The following DCHS2 variants were observed in gnomAD, a reference collection of about 807,000 sequenced individuals.
The protein encoded by DCHS2 is dachsous cadherin-related 2, also known as protocadherin-23.
In DCHS2, 142 loss-of-function variants were observed where a neutral mutation model predicts 182.4. The observed-to-expected ratio is 0.78, with a 90% confidence interval of 0.68 to 0.89. DCHS2 has a LOEUF of 0.89. Ranked by LOEUF, DCHS2 falls within the 40% of genes least tolerant of loss-of-function variation. The probability of loss-of-function intolerance (pLI) is 0.00; values close to 1 mark genes in which losing one functional copy is unlikely to be tolerated. For missense variants in DCHS2, 4,319 were observed against 4,198.6 expected, an observed-to-expected ratio of 1.03 and a Z score of -0.79; for synonymous variants, 1,740 against 1,663.3, an observed-to-expected ratio of 1.05 and a Z score of -1.12.
At chr4:154,245,871 G>C (rs1437778725) in intron 16 of DCHS2, among the ~76,000 whole-genome samples, 1 of 152,156 alleles carries the variant, frequency 6.6e-6, no homozygotes, top group Admixed American at 6.5e-5. Flanking sequence ...AACACCAAGA[G>C]TGGATCCCAC....
At position 154,253,170 on chromosome 4, in the gene DCHS2, G is replaced by GGA. The variant is rs150322346; in HGVS notation, c.6941+2347_6941+2348dup. On this transcript the variant is annotated intron_variant, in intron 16 of 19. Transcript: ENST00000357232. ...AATAATTCCTTGCCTTGGTGATGCT[G>GGA]GAGAGAGAGAGAGAGAGAGAGAGTG... 3.1e-3 allele frequency among the ~76,000 whole-genome samples: 455 copies of GGA among 147,770 alleles called. 3 individuals carry two copies. The highest frequency in any genetic ancestry group is 0.021 in the South Asian group (96 of 4,602).
chr4:154,287,840 G>A (rs1301273434), intron 13 of DCHS2, among the ~76,000 whole-genome samples: 4 of 151,876 alleles, frequency 2.6e-5, no homozygotes, highest in Admixed American at 1.3e-4. Flanking sequence ...TTATGCATTC[G>A]GTGCCAAGTT....
At chr4:154,453,619 G>T (rs1301003444) in intron 1 of DCHS2, among the ~76,000 whole-genome samples, 1 of 152,110 alleles carries the variant, frequency 6.6e-6, no homozygotes, top group East Asian at 1.9e-4. Flanking sequence ...GTCTAACCAA[G>T]ATTTTTTCAA....
intron 1 of DCHS2, among the ~76,000 whole-genome samples, chr4:154,395,970 G>A (rs1360261802): frequency 1.3e-5 from 2 of 152,172 alleles, no homozygotes; most frequent in Non-Finnish European, 2.9e-5. Context: ...AGTTATTCAA[G>A]GGAAGAGTTC....
chr4:154,375,667 G>C (rs1264301083), intron 2 of DCHS2, among the ~76,000 whole-genome samples: 3 of 151,964 alleles, frequency 2.0e-5, no homozygotes, highest in South Asian at 4.2e-4. Flanking sequence ...AATAAAAAAG[G>C]CATTAAATAT....
chr4:154,384,758 C>T (rs1322917955), intron 1 of DCHS2, among the ~76,000 whole-genome samples: 1 of 151,902 alleles, frequency 6.6e-6, no homozygotes. Context: ...GGCCACAAGT[C>T]AAGGAACACC....
At position 154,490,209 on chromosome 4, in the gene DCHS2, C is replaced by G. The variant is rs1579133479; in HGVS notation, c.1147G>C (p.Val383Leu). ...TCGGCGCCTCCATCGCGGGCCTCCA[C>G]CACCAACTGGTGCCAGGCCTGTGCC... is the stretch of plus-strand genomic sequence containing the variant. ...REAQAWHQLV[V>L]EARDGGAEPE... Residue 383 changes from valine to leucine, a missense_variant, in exon 1 of 20, where the codon GTG (valine) becomes CTG (leucine). Physicochemically the swap from Val to Leu is conservative, Grantham distance 32 (BLOSUM62 1). Transcript: ENST00000357232. The G allele has an allele frequency of 4.5e-6, 7 of 1,549,514 alleles. No individual in the cohort carries two copies. The East Asian group carries it at 1.7e-4, about 38-fold the overall frequency.
At chr4:154,419,110 C>T (rs1329501032) in intron 1 of DCHS2, among the ~76,000 whole-genome samples, 3 of 152,178 alleles carry the variant, frequency 2.0e-5, no homozygotes, top group Non-Finnish European at 4.4e-5. Context: ...ATAGGCAATG[C>T]TGCCATCAGT....
At chr4:154,263,488 G>A (rs1177705637) in intron 14 of DCHS2, among the ~76,000 whole-genome samples, 1 of 151,844 alleles carries the variant, frequency 6.6e-6, no homozygotes, top group African/African-American at 2.4e-5. Context: ...AATCCTGAGA[G>A]GTTAGTAAGT....
At chr4:154,409,761 C>T (rs1276583827) in intron 1 of DCHS2, among the ~76,000 whole-genome samples, 2 of 152,080 alleles carry the variant, frequency 1.3e-5, no homozygotes, top group Non-Finnish European at 2.9e-5. Flanking sequence ...AGAGGGATCC[C>T]CTCAACTAAG....
At chr4:154,412,746 T>C (rs1431149372) in intron 1 of DCHS2, among the ~76,000 whole-genome samples, 1 of 152,212 alleles carries the variant, frequency 6.6e-6, no homozygotes, top group Non-Finnish European at 1.5e-5. Context: ...GAATAGTATC[T>C]GGCATATAAC....
intron 1 of DCHS2, among the ~76,000 whole-genome samples, chr4:154,416,998 C>T (rs745360389): frequency 2.0e-5 from 3 of 152,184 alleles, no homozygotes; most frequent in Non-Finnish European, 4.4e-5. Context: ...CCTCTCCCAG[C>T]TGCAGGGATC....
At chr4:154,343,213 T>A (rs1203339693) in intron 3 of DCHS2, among the ~76,000 whole-genome samples, 2 of 152,216 alleles carry the variant, frequency 1.3e-5, no homozygotes, top group Non-Finnish European at 2.9e-5. Flanking sequence ...GCTCTGTTGT[T>A]CCTTTTATAA....
intron 1 of DCHS2, among the ~76,000 whole-genome samples, chr4:154,393,355 T>G (rs1049784501): frequency 1.3e-5 from 2 of 152,194 alleles, no homozygotes; most frequent in African/African-American, 4.8e-5. Context: ...AGTCAATGAT[T>G]GGGCTTGAAA....
intron 1 of DCHS2, among the ~76,000 whole-genome samples, chr4:154,403,605 T>G (rs1242071533): frequency 1.3e-5 from 2 of 152,144 alleles, no homozygotes; most frequent in Non-Finnish European, 2.9e-5. Flanking sequence ...GTAATTTTGT[T>G]TACCTGTAAT....
At chr4:154,322,625 CT>C in intron 7 of DCHS2, 137 bp from the exon 8 acceptor site, 1 of 1,142,414 alleles carries the variant, frequency 8.8e-7, no homozygotes, top group Non-Finnish European at 1.2e-6. Flanking sequence ...AAAAATGACA[CT>C]AAAAATAGAC....
At chr4:154,402,919 A>C (rs1732250290) in intron 1 of DCHS2, among the ~76,000 whole-genome samples, 1 of 152,132 alleles carries the variant, frequency 6.6e-6, no homozygotes, top group Admixed American at 6.5e-5. Flanking sequence ...ATTTATTCTT[A>C]GTTATCTGAT....
Position 154,236,947 on chromosome 4 carries a change from C to G in DCHS2, c.7705G>C (p.Val2569Leu). Residue 2569 changes from valine to leucine, a missense_variant, in exon 20 of 20, where the codon GTT (valine) becomes CTT (leucine). Transcript: ENST00000357232. ...TCATGGTCGATGTTTGAAAATGTAA[C>G]AAGCGTGCTTCCAACCAGAGCATCC... ...SEDALVGSTL[V>L]TFSNIDHDWT... 1.2e-6 allele frequency: 2 copies of G among 1,614,070 alleles called. No homozygotes were observed. Among genetic ancestry groups the G allele is most frequent in the East Asian group, 4.5e-5 (2 of 44,864 alleles).
intron 1 of DCHS2, among the ~76,000 whole-genome samples, chr4:154,397,138 A>G (rs1188021314): frequency 1.3e-5 from 2 of 152,238 alleles, no homozygotes; most frequent in African/African-American, 4.8e-5. Context: ...CACCGCACTA[A>G]TCTAATTATA....
Sources: allele counts gnomAD v4.1 joint callset (sites outside exome capture counted in the v4.1 genomes callset), GRCh38; gene constraint gnomAD v4.1.1; transcripts MANE v1.5; gene names NCBI Gene and HGNC (gene_info 2026-07-23, HGNC 2026-07-21).